Variants in TENM2 observed in about 807,000 individuals in gnomAD.
The protein encoded by TENM2 is teneurin transmembrane protein 2, also known as teneurin-2.
Under a neutral mutation model 245.2 loss-of-function variants are expected in TENM2, and 52 were observed. That is an observed-to-expected ratio of 0.21 (90% CI 0.17 to 0.27). The LOEUF is 0.27. Among genes scored for constraint, TENM2 ranks in the 10% least tolerant of loss-of-function variants. The pLI is 1.00. For synonymous variants in TENM2, 1,363 were observed against 1,438.9 expected (o/e 0.95, Z 1.19); for missense variants, 3,046 against 3,666.8 (o/e 0.83, Z 4.37).
intron 9 of TENM2, 98 bp from the exon 12 acceptor site, chr5:168,118,194 C>A: frequency 9.6e-7 from 1 of 1,037,996 alleles, no homozygotes; most frequent in Non-Finnish European, 1.4e-6. Context: ...ACACTGTAAG[C>A]CAAGCCCCAA....
At chr5:167,769,284 T>A (rs1763245432) in intron 2 of TENM2, among the ~76,000 whole-genome samples, 2 of 152,320 alleles carry the variant, frequency 1.3e-5, no homozygotes, top group African/African-American at 4.8e-5. Context: ...ACCTCGTCAG[T>A]GTAAGTTTTG....
chr5:167,486,789 C>A (rs1768103400), intron 2 of TENM2, among the ~76,000 whole-genome samples: 1 of 152,078 alleles, frequency 6.6e-6, no homozygotes, highest in Non-Finnish European at 1.5e-5. Flanking sequence ...TTGGAGGTGA[C>A]AACCCCATCA....
chr5:167,754,282 A>G (rs547477271), intron 2 of TENM2, among the ~76,000 whole-genome samples: 2 of 152,262 alleles, frequency 1.3e-5, no homozygotes, highest in East Asian at 1.9e-4. Flanking sequence ...CCAGTACAGG[A>G]AAGGAAAAAT....
chr5:167,327,145 A>G (rs1051399093), intron 1 of TENM2, among the ~76,000 whole-genome samples: 2 of 152,132 alleles, frequency 1.3e-5, no homozygotes, highest in Non-Finnish European at 2.9e-5. Context: ...ATTTAGCATT[A>G]GATATATCTC....
Position 168,131,951 on chromosome 5 carries a change from G to T in TENM2, c.2422+4985G>T, listed in dbSNP as rs1426984960. Reference sequence around the variant, plus strand: ...TTTATTTTAAGTGAAAACCTAAAGCGATGGCCTTTTACTGATAAAGATTAT... The same window carrying T: ...TTTATTTTAAGTGAAAACCTAAAGCTATGGCCTTTTACTGATAAAGATTAT... On this transcript the variant is annotated intron_variant, in intron 12 of 28. Transcript: ENST00000518659. Among the ~76,000 whole-genome samples, 5 of 152,046 alleles carry T rather than the reference G, an allele frequency of 3.3e-5. No homozygotes were observed. In the East Asian group the frequency reaches 5.8e-4, roughly 18 times the overall value.
chr5:167,481,534 A>C (rs1332270216), intron 2 of TENM2, among the ~76,000 whole-genome samples: 1 of 152,202 alleles, frequency 6.6e-6, no homozygotes, highest in Non-Finnish European at 1.5e-5. Flanking sequence ...AACAGAGACC[A>C]TGTGTGACGC....
chr5:167,918,208 G>A (rs143983303), intron 3 of TENM2, among the ~76,000 whole-genome samples: 1 of 152,268 alleles, frequency 6.6e-6, no homozygotes, highest in East Asian at 1.9e-4. Flanking sequence ...TGAAAGCTTA[G>A]CGGTTGTGTT....
At chr5:167,528,102 A>T (rs1399051069) in intron 2 of TENM2, among the ~76,000 whole-genome samples, 1 of 152,168 alleles carries the variant, frequency 6.6e-6, no homozygotes, top group Non-Finnish European at 1.5e-5. Flanking sequence ...TTTTTTTAAG[A>T]TAAATTTTAA....
intron 2 of TENM2, among the ~76,000 whole-genome samples, chr5:167,564,185 G>T (rs1454623328): frequency 2.6e-5 from 4 of 152,214 alleles, no homozygotes; most frequent in Non-Finnish European, 5.9e-5. Flanking sequence ...GGAGGATGGA[G>T]AATTGGGGGC....
At chr5:167,876,037 T>G in exon 3 of TENM2, 1 of 1,551,632 alleles carries the variant, frequency 6.4e-7, no homozygotes, top group Non-Finnish European at 8.7e-7. Context: ...TCTGCTCAGC[T>G]GCCTAGCTCC....
intron 15 of TENM2, among the ~76,000 whole-genome samples, chr5:168,197,323 C>A (rs192544709): frequency 1.3e-5 from 2 of 152,020 alleles, no homozygotes; most frequent in Non-Finnish European, 1.5e-5. Context: ...ATATTTTTAC[C>A]GAGTTTTTAC....
At chr5:167,109,711 C>A in the TENM2 span, among the ~76,000 whole-genome samples, 1 of 151,836 alleles carries the variant, frequency 6.6e-6, no homozygotes, top group Non-Finnish European at 1.5e-5. Context: ...CAACTCACTT[C>A]TCACGTTCAT....
At chr5:167,353,865 GGA>G (rs1435865377) in intron 1 of TENM2, among the ~76,000 whole-genome samples, 2 of 152,204 alleles carry the variant, frequency 1.3e-5, no homozygotes, top group East Asian at 1.9e-4. Flanking sequence ...CGGAGTGGTT[GGA>G]GAGAGAGCAC....
chr5:168,055,077 C>G (rs1481799290), intron 6 of TENM2, among the ~76,000 whole-genome samples: 2 of 152,130 alleles, frequency 1.3e-5, no homozygotes, highest in Non-Finnish European at 2.9e-5. Context: ...GCCTAGAACC[C>G]AAGGATACCA....
intron 2 of TENM2, among the ~76,000 whole-genome samples, chr5:167,825,641 C>A (rs1184169567): frequency 6.6e-6 from 1 of 152,090 alleles, no homozygotes; most frequent in Non-Finnish European, 1.5e-5. Context: ...ACTTGCGATC[C>A]CACGGGCTCT....
chr5:167,890,304 C>A (rs57263006), intron 3 of TENM2, among the ~76,000 whole-genome samples: 1 of 152,092 alleles, frequency 6.6e-6, no homozygotes, highest in Non-Finnish European at 1.5e-5. Context: ...CACACAGAAA[C>A]AACTTTTTCC....
chr5:168,142,871 G>GT (rs1413998772), intron 12 of TENM2, among the ~76,000 whole-genome samples: 5 of 152,344 alleles, frequency 3.3e-5, no homozygotes, highest in East Asian at 1.9e-4. Context: ...TAGATGCTCA[G>GT]TAAGTGCTGG....
At chr5:167,999,179 A>G (rs1471284425) in intron 5 of TENM2, among the ~76,000 whole-genome samples, 8 of 152,158 alleles carry the variant, frequency 5.3e-5, no homozygotes, top group Non-Finnish European at 2.9e-5. Flanking sequence ...GGGAAACCTC[A>G]TCCTCCTGTA....
chr5:167,337,255 A>G (rs1384691929), intron 1 of TENM2, among the ~76,000 whole-genome samples: 1 of 152,116 alleles, frequency 6.6e-6, no homozygotes, highest in Non-Finnish European at 1.5e-5. Flanking sequence ...AATGAAAGCA[A>G]GCAAGTTTAC....
Sources: gnomAD v4.1 joint callset for allele counts (sites outside exome capture counted in the v4.1 genomes callset) on GRCh38, gnomAD v4.1.1 for gene constraint, MANE v1.5 for transcripts, NCBI Gene and HGNC (gene_info 2026-07-23, HGNC 2026-07-21) for gene names.